Variants in TNRC6B observed in about 807,000 individuals in gnomAD.
TNRC6B encodes trinucleotide repeat-containing gene 6B protein.
Under a neutral mutation model 203.6 loss-of-function variants are expected in TNRC6B, and 52 were observed. The observed-to-expected ratio is 0.26, with a 90% confidence interval of 0.20 to 0.32. The LOEUF (loss-of-function observed/expected upper bound fraction) is 0.32, where lower values mean the gene tolerates loss of function less well. Among genes scored for constraint, TNRC6B ranks in the 10% least tolerant of loss-of-function variants. The pLI, the probability that TNRC6B is intolerant of heterozygous loss-of-function variation, is 1.00. For missense variants in TNRC6B, 1,923 were observed against 2,286.2 expected (o/e 0.84, Z 3.24); for synonymous variants, 838 against 845.7 (o/e 0.99, Z 0.16).
Position 40,166,012 on chromosome 22 carries a change from C to G in TNRC6B, c.113+9830C>G, listed in dbSNP as rs137914104. Among the ~76,000 whole-genome samples the G allele has an allele frequency of 1.5e-3, 228 of 152,174 alleles. 1 individual carries two copies. Among genetic ancestry groups the G allele is most frequent in the African/African-American group, 5.3e-3 (219 of 41,490 alleles). On this transcript the variant is annotated intron_variant, in intron 4 of 23. Coordinates refer to the TNRC6B transcript ENST00000301923. ...TTGTTTTTGGGCAGAAAATGCCTTTCTAGCCAAGTCTGAACCTTTTCTTCT... is the reference window on the plus strand; with the variant it reads ...TTGTTTTTGGGCAGAAAATGCCTTTGTAGCCAAGTCTGAACCTTTTCTTCT...
chr22:40,084,938 C>A (rs1425977047), intron 1 of TNRC6B, among the ~76,000 whole-genome samples: 2 of 152,132 alleles, frequency 1.3e-5, no homozygotes, highest in Non-Finnish European at 2.9e-5. Context: ...TTGTGTAGTC[C>A]CCTCTCCTGC....
intron 1 of TNRC6B, among the ~76,000 whole-genome samples, chr22:40,085,135 T>C (rs1299859188): frequency 1.3e-5 from 2 of 152,230 alleles, no homozygotes; most frequent in East Asian, 3.8e-4. Flanking sequence ...GAACTCCAGC[T>C]AACAGCTACC....
At chr22:40,140,574 A>G (rs1453974365) in intron 3 of TNRC6B, among the ~76,000 whole-genome samples, 3 of 152,216 alleles carry the variant, frequency 2.0e-5, no homozygotes, top group African/African-American at 7.2e-5. Flanking sequence ...GATTTCTAAG[A>G]AAGATATTAA....
In TNRC6B at chr22:40,335,060, A is replaced by G. The variant is rs1332978791; in HGVS notation, c.*11819A>G. The G allele has an allele frequency of 6.7e-6, 1 of 149,594 alleles. No homozygotes were observed. Among genetic ancestry groups the G allele is most frequent in the African/African-American group, 2.5e-5 (1 of 40,464 alleles). The allele number at this position is 149,594 out of a possible 1,614,324, so 9.3% of individuals were successfully genotyped here. A position where few individuals can be genotyped will look rare whatever the true frequency, so the allele number is the denominator to read the frequency against. On this transcript the variant is annotated 3_prime_UTR_variant, in exon 23 of 23. Transcript: ENST00000454349. ...TTATACTTGAAGTTGCTTTTACGAT[A>G]TTATTTTGGTGGCTTTCTTTTCTCT... is the stretch of plus-strand genomic sequence containing the variant.
At chr22:40,304,880 G>A (rs891186978) in intron 15 of TNRC6B, among the ~76,000 whole-genome samples, 2 of 152,132 alleles carry the variant, frequency 1.3e-5, no homozygotes, top group Non-Finnish European at 2.9e-5. Context: ...TGATTGTGTC[G>A]ATACCAAGTG....
In TNRC6B at chr22:40,069,820, T is replaced by C. The variant is rs374615921; in HGVS notation, c.-121+24822T>C. Among the ~76,000 whole-genome samples the C allele has an allele frequency of 2.0e-5, 3 of 152,154 alleles. No homozygotes were observed. The East Asian group carries it at 5.8e-4, about 29-fold the overall frequency. ...TCTTTTAGACAGAAATAATTAGGGGTTCTTTTCTATACCACACATTTATTA... is the reference window on the plus strand; with the variant it reads ...TCTTTTAGACAGAAATAATTAGGGGCTCTTTTCTATACCACACATTTATTA... On this transcript the variant is annotated intron_variant, in intron 1 of 23. Coordinates refer to the TNRC6B transcript ENST00000301923.
intron 1 of TNRC6B, among the ~76,000 whole-genome samples, chr22:40,218,176 T>C (rs1471536519): frequency 1.3e-5 from 2 of 152,030 alleles, no homozygotes; most frequent in Non-Finnish European, 2.9e-5. Flanking sequence ...AATTTGATAA[T>C]ATTAGGAATG....
intron 1 of TNRC6B, among the ~76,000 whole-genome samples, chr22:40,207,894 C>T (rs528929210): frequency 6.6e-5 from 10 of 151,958 alleles, no homozygotes; most frequent in South Asian, 2.1e-4. Flanking sequence ...GGGCAGATCA[C>T]GAGGTCAGGA....
chr22:40,297,056 T>C (rs1175566710), intron 12 of TNRC6B, among the ~76,000 whole-genome samples: 1 of 152,262 alleles, frequency 6.6e-6, no homozygotes, highest in Non-Finnish European at 1.5e-5. Context: ...TGAGTACGTA[T>C]GGCAGTAATC....
chr22:40,262,261 CAT>C, intron 4 of TNRC6B, 88 bp downstream of exon 4: 2 of 1,204,318 alleles, frequency 1.7e-6, no homozygotes, highest in Non-Finnish European at 2.2e-6. Context: ...CCAGGAAAGC[CAT>C]TCATTATATA....
intron 2 of TNRC6B, chr22:40,117,253 A>G (rs2068396228): frequency 6.6e-6 from 1 of 152,324 alleles, no homozygotes; most frequent in Non-Finnish European, 1.5e-5. Flanking sequence ...TTTTAAGGTG[A>G]CCATCATACC....
intron 3 of TNRC6B, among the ~76,000 whole-genome samples, chr22:40,132,453 C>T (rs1001049050): frequency 3.3e-5 from 5 of 151,560 alleles, no homozygotes; most frequent in African/African-American, 1.2e-4. Context: ...GGCACTCCAG[C>T]CTGGGTGACA....
At chr22:40,158,995 C>G (rs1422846143) in intron 4 of TNRC6B, among the ~76,000 whole-genome samples, 4 of 152,004 alleles carry the variant, frequency 2.6e-5, no homozygotes, top group Non-Finnish European at 5.9e-5. Flanking sequence ...CAGAGTCTCG[C>G]TCTGTCGCCC....
At chr22:40,226,768 C>A (rs551836542) in intron 1 of TNRC6B, among the ~76,000 whole-genome samples, 1 of 152,272 alleles carries the variant, frequency 6.6e-6, no homozygotes, top group East Asian at 1.9e-4. Flanking sequence ...AGCTCCATTT[C>A]TTCTGTGTGC....
intron 1 of TNRC6B, among the ~76,000 whole-genome samples, chr22:40,089,897 C>A (rs1262536810): frequency 6.6e-6 from 1 of 152,104 alleles, no homozygotes. Context: ...TTACTGTCTC[C>A]GTAGATTTTT....
At chr22:40,119,666 G>GACTT (rs1237964320) in intron 2 of TNRC6B, among the ~76,000 whole-genome samples, 9 of 152,248 alleles carry the variant, frequency 5.9e-5, no homozygotes, top group African/African-American at 2.2e-4. Flanking sequence ...GAGGGGACAT[G>GACTT]ACTTGTCACT....
At chr22:40,197,163 G>A (rs1444893350) in intron 1 of TNRC6B, among the ~76,000 whole-genome samples, 1 of 152,108 alleles carries the variant, frequency 6.6e-6, no homozygotes, top group Non-Finnish European at 1.5e-5. Context: ...ACAGCTTGCT[G>A]GCTTTATGGT....
At chr22:40,174,174 T>C (rs2069033769), upstream of TNRC6B, among the ~76,000 whole-genome samples, 1 of 151,956 alleles carries the variant, frequency 6.6e-6, no homozygotes, top group Non-Finnish European at 1.5e-5. Flanking sequence ...TTTTTCTTTT[T>C]TTTTTTAGAG....
At chr22:40,307,136 T>C (rs2071097146) in intron 15 of TNRC6B, among the ~76,000 whole-genome samples, 1 of 150,332 alleles carries the variant, frequency 6.7e-6, no homozygotes, top group Non-Finnish European at 1.5e-5. Context: ...AGCAACATTT[T>C]GAACATGGGT....
Sources: allele counts gnomAD v4.1 joint callset (sites outside exome capture counted in the v4.1 genomes callset), GRCh38; gene constraint gnomAD v4.1.1; transcripts MANE v1.5; gene names NCBI Gene and HGNC (gene_info 2026-07-23, HGNC 2026-07-21).